SPINK5: variants seen among roughly 807,000 people sequenced by gnomAD.
The protein encoded by SPINK5 is serine peptidase inhibitor Kazal type 5.
A neutral mutation model predicts 151.8 loss-of-function variants in SPINK5; 125 were observed. The observed-to-expected ratio is 0.82, with a 90% confidence interval of 0.71 to 0.96. The LOEUF is 0.96. Among genes scored for constraint, SPINK5 ranks in the 40% least tolerant of loss-of-function variants. The pLI is 0.00. For missense variants in SPINK5, 1,194 were observed against 1,291.9 expected (o/e 0.92, Z 1.16); for synonymous variants, 374 against 395.3 (o/e 0.95, Z 0.64).
chr5:148,082,586 A>T, intron 4 of SPINK5, among the ~76,000 whole-genome samples: 1 of 144,920 alleles, frequency 6.9e-6, no homozygotes, highest in Non-Finnish European at 1.5e-5. Flanking sequence ...TGCTTTTATG[A>T]ATGTTTTATA....
At chr5:148,103,863 C>T (rs1263487913) in intron 15 of SPINK5, among the ~76,000 whole-genome samples, 1 of 152,114 alleles carries the variant, frequency 6.6e-6, no homozygotes, top group Non-Finnish European at 1.5e-5. Flanking sequence ...CACATTAAAA[C>T]ATTTTCACAA....
intron 7 of SPINK5, 80 bp from the exon 8 acceptor site, chr5:148,091,085 G>C: frequency 8.4e-7 from 1 of 1,197,234 alleles, no homozygotes; most frequent in Admixed American, 1.8e-5. Flanking sequence ...CAGAGGATAT[G>C]AAAGTGTTTA....
At position 148,127,081 on chromosome 5, in the gene SPINK5, T is replaced by G; in HGVS notation, c.2964+2T>G. ...AGCCCAGACTCTTTCAGTTCTCTGG[T>G]AAGGAGGACTATTTCTGAAAAGCTA... On this transcript the variant is annotated splice_donor_variant, in intron 30 of 32. Transcript: ENST00000256084. LOFTEE classifies it high-confidence loss of function. 6.2e-7 allele frequency: 1 copy of G among 1,607,226 alleles called. No homozygotes were observed.
rs763944545 is a variant in SPINK5, at chr5:148,123,848, T to C, written c.2554T>C (p.Phe852Leu). Residue 852 changes from phenylalanine (F) to leucine (L), a missense_variant, in exon 27 of 33, where the codon TTT (phenylalanine) becomes CTT (leucine). Phe to Leu is a conservative substitution (Grantham distance 22). Coordinates refer to ENST00000256084, the MANE Select transcript of SPINK5 (RefSeq NM_006846.4). ...CTGTTGGTAGGATCTGTGTCGTGAA[T>C]TTCGAAGCATGCAGAGAAATGGAAA... ...SNDKEDLCREFRSMQRNGKLI... is the reference protein window; with the variant it reads ...SNDKEDLCRELRSMQRNGKLI... 1 of 1,613,982 alleles carries C rather than the reference T, an allele frequency of 6.2e-7. No individual in the cohort carries two copies. The highest frequency in any genetic ancestry group is 1.1e-5 in the South Asian group (1 of 91,064).
chr5:148,131,010 G>C (rs1038979772), intron 30 of SPINK5, among the ~76,000 whole-genome samples: 1 of 152,068 alleles, frequency 6.6e-6, no homozygotes, highest in African/African-American at 2.4e-5. Context: ...AAGGATATTT[G>C]CTTTCTTATT....
chr5:148,132,852 T>C (rs1261364434), intron 31 of SPINK5, among the ~76,000 whole-genome samples: 1 of 152,138 alleles, frequency 6.6e-6, no homozygotes, highest in Non-Finnish European at 1.5e-5. Context: ...TTGAAATTCA[T>C]CTGTAGACCT....
intron 21 of SPINK5, among the ~76,000 whole-genome samples, chr5:148,115,298 A>G (rs1337817280): frequency 6.6e-6 from 1 of 152,218 alleles, no homozygotes; most frequent in East Asian, 1.9e-4. Flanking sequence ...AGAACTTACC[A>G]ACTTTATCAA....
At chr5:148,121,696 T>C (rs1754270276) in intron 26 of SPINK5, among the ~76,000 whole-genome samples, 1 of 151,804 alleles carries the variant, frequency 6.6e-6, no homozygotes, top group Non-Finnish European at 1.5e-5. Flanking sequence ...GGTAACTCAC[T>C]CTTTTAATCC....
intron 18 of SPINK5, among the ~76,000 whole-genome samples, chr5:148,109,696 C>T (rs1441460175): frequency 6.6e-6 from 1 of 152,052 alleles, no homozygotes; most frequent in African/African-American, 2.4e-5. Context: ...TTATTCTTTT[C>T]TTTTGTCCTT....
chr5:148,066,902 G>A (rs1561670689), intron 2 of SPINK5, among the ~76,000 whole-genome samples: 1 of 152,114 alleles, frequency 6.6e-6, no homozygotes, highest in South Asian at 2.1e-4. Flanking sequence ...ACACAAAGAA[G>A]TAATTATTTA....
intron 18 of SPINK5, among the ~76,000 whole-genome samples, chr5:148,109,310 T>A (rs1753860447): frequency 6.6e-6 from 1 of 152,144 alleles, no homozygotes; most frequent in Non-Finnish European, 1.5e-5. Flanking sequence ...GTGATAACAA[T>A]GATAATTGTA....
In SPINK5 at chr5:148,099,239, C is replaced by T. The variant is rs1581079096; in HGVS notation, c.1016C>T (p.Ala339Val). Reference sequence around the variant, plus strand: ...TCTTTTTCCCTCTTATTCAGCCAAGCAGAAAATGAAGAAAAGAAAAAGGCT... The same window carrying T: ...TCTTTTTCCCTCTTATTCAGCCAAGTAGAAAATGAAGAAAAGAAAAAGGCT... ...LCSMCQAYFQ[A>V]ENEEKKKAEA... Residue 339 changes from alanine (A) to valine (V), a missense_variant, in exon 12 of 33, where the codon GCA becomes GTA. Transcript: ENST00000256084. The T allele has an allele frequency of 6.2e-7, 1 of 1,608,866 alleles. No individual in the cohort carries two copies. Among genetic ancestry groups the T allele is most frequent in the African/African-American group, 1.3e-5 (1 of 74,646 alleles).
chr5:148,109,900 CT>C (rs1296573123), intron 18 of SPINK5, among the ~76,000 whole-genome samples: 2 of 152,192 alleles, frequency 1.3e-5, no homozygotes, highest in Admixed American at 1.3e-4. Context: ...ATCCCTGCCA[CT>C]TTTCATAGGT....
chr5:148,068,825 G>A (rs1752659411), intron 2 of SPINK5, among the ~76,000 whole-genome samples: 1 of 152,066 alleles, frequency 6.6e-6, no homozygotes, highest in Non-Finnish European at 1.5e-5. Flanking sequence ...TTTTCACTGG[G>A]TACAGTGGCT....
chr5:148,137,220 A>G lies in SPINK5; in HGVS notation c.*229A>G. ...ACATCTCCACCAAGTCTGAGCCCTC[A>G]AAATGTCCTGATTACAATGCTGTCT... On this transcript the variant is annotated 3_prime_UTR_variant, in exon 33 of 33. Transcript: ENST00000256084. 1 of 599,380 alleles carries G rather than the reference A, an allele frequency of 1.7e-6. No individual in the cohort carries two copies. Among genetic ancestry groups the G allele is most frequent in the Non-Finnish European group, 3.0e-6 (1 of 338,732 alleles). The allele number at this position is 599,380 out of a possible 1,614,324, so 37.1% of individuals were successfully genotyped here.
chr5:148,118,354 TCTTACTCAGA>T lies in SPINK5; in HGVS notation c.2113-80_2113-71del, dbSNP rs1218739521. The T allele has an allele frequency of 1.6e-5, 25 of 1,596,472 alleles. No homozygotes were observed. In the African/African-American group the frequency reaches 2.3e-4, roughly 15 times the overall value. ...TTATAAAGAGAGGTGAAAGAACTTC[TCTTACTCAGA>T]CTGTTAAAACAATTTACTAAGAATA... is the stretch of plus-strand genomic sequence containing the variant. On this transcript the variant is annotated intron_variant, in intron 22 of 32. Coordinates refer to ENST00000256084, the MANE Select transcript of SPINK5 (RefSeq NM_006846.4).
intron 23 of SPINK5, 66 bp from the exon 24 acceptor site, chr5:148,118,920 C>T (rs1754174641): frequency 1.3e-6 from 2 of 1,502,722 alleles, no homozygotes; most frequent in African/African-American, 1.4e-5. Flanking sequence ...GCACGGGACA[C>T]ACTTAGTGCA....
chr5:148,089,053 G>A (rs772896565), intron 6 of SPINK5: 1 of 460,854 alleles, frequency 2.2e-6, no homozygotes, highest in South Asian at 1.5e-5. Flanking sequence ...GAAGGGGAAG[G>A]AAGAAAGGAT....
rs904987307 is a variant in SPINK5 at position 148,136,798 on chromosome 5, T to C, written c.3187-185T>C. ...TGTGTCCACCTCAACACGTAGTACA[T>C]ACTAGGTGCTCAATATTTGTTGTAT... On this transcript the variant is annotated intron_variant, in intron 32 of 32. Coordinates refer to ENST00000256084, the MANE Select transcript of SPINK5 (RefSeq NM_006846.4). Among the ~76,000 whole-genome samples, 6 of 152,216 alleles carry C rather than the reference T, an allele frequency of 3.9e-5. 1 individual carries two copies. The highest frequency in any genetic ancestry group is 1.4e-4 in the African/African-American group (6 of 41,472).
Sources: gnomAD v4.1 joint callset for allele counts (sites outside exome capture counted in the v4.1 genomes callset) on GRCh38, gnomAD v4.1.1 for gene constraint, MANE v1.5 for transcripts, NCBI Gene and HGNC (gene_info 2026-07-23, HGNC 2026-07-21) for gene names.